Variants in PAPPA2 observed in about 807,000 individuals in gnomAD.
PAPPA2 encodes the protein pappalysin-2.
In PAPPA2, 86 loss-of-function variants were observed where a neutral mutation model predicts 176.4. The observed-to-expected ratio is 0.49, with a 90% confidence interval of 0.41 to 0.58. The LOEUF is 0.58. Ranked by LOEUF, PAPPA2 falls within the 20% of genes least tolerant of loss-of-function variation. PAPPA2 has a pLI of 0.00. For missense variants in PAPPA2, 2,073 were observed against 2,256.9 expected, an observed-to-expected ratio of 0.92 and a Z score of 1.65; for synonymous variants, 809 against 852.2, an observed-to-expected ratio of 0.95 and a Z score of 0.88.
chr1:176,588,203 C>T (rs10913210), intron 2 of PAPPA2, among the ~76,000 whole-genome samples: 60,478 of 152,096 alleles, frequency 0.4, 12,771 homozygotes, highest in South Asian at 0.58. Flanking sequence ...CATGATTTGG[C>T]TCTCCACTTG....
intron 2 of PAPPA2, among the ~76,000 whole-genome samples, chr1:176,581,435 G>C (rs1482562177): frequency 6.6e-6 from 1 of 152,130 alleles, no homozygotes; most frequent in Non-Finnish European, 1.5e-5. Context: ...GATTGTGTTG[G>C]CTATTTGAGG....
intron 1 of PAPPA2, among the ~76,000 whole-genome samples, chr1:176,499,120 G>A (rs566987720): frequency 8.7e-4 from 132 of 152,218 alleles, no homozygotes; most frequent in Non-Finnish European, 1.5e-3. Context: ...TAGTTACCTG[G>A]CTGAATGAGA....
chr1:176,543,307 C>T (rs1400199692), intron 1 of PAPPA2, among the ~76,000 whole-genome samples: 2 of 152,142 alleles, frequency 1.3e-5, no homozygotes, highest in East Asian at 1.9e-4. Flanking sequence ...CTGGAACCAG[C>T]CCACTCTCAC....
At chr1:176,567,322 T>TA (rs1652047393) in intron 2 of PAPPA2, among the ~76,000 whole-genome samples, 1 of 152,172 alleles carries the variant, frequency 6.6e-6, no homozygotes, top group African/African-American at 2.4e-5. Context: ...TCTCAGAACA[T>TA]TTGAAGTATT....
At chr1:176,712,954 C>T (rs938544888) in intron 12 of PAPPA2, among the ~76,000 whole-genome samples, 1 of 152,056 alleles carries the variant, frequency 6.6e-6, no homozygotes, top group Non-Finnish European at 1.5e-5. Flanking sequence ...TGTGTATCAG[C>T]TATTTGTACA....
At chr1:176,839,589 A>C (rs1262572247) in intron 21 of PAPPA2, among the ~76,000 whole-genome samples, 1 of 152,166 alleles carries the variant, frequency 6.6e-6, no homozygotes, top group East Asian at 1.9e-4. Context: ...CTGAGTCTTC[A>C]TAGCACCCAA....
intron 12 of PAPPA2, among the ~76,000 whole-genome samples, chr1:176,726,329 C>G (rs908573024): frequency 6.6e-6 from 1 of 152,178 alleles, no homozygotes; most frequent in Non-Finnish European, 1.5e-5. Context: ...CTCCACTGTT[C>G]TTGTTTACCT....
At chr1:176,557,562 A>G (rs1651400325) in intron 2 of PAPPA2, among the ~76,000 whole-genome samples, 1 of 152,104 alleles carries the variant, frequency 6.6e-6, no homozygotes, top group South Asian at 2.1e-4. Context: ...TTCTTTGCCA[A>G]AAGAGAAGGG....
At chr1:176,707,904 A>T (rs1660946489) in intron 10 of PAPPA2, among the ~76,000 whole-genome samples, 1 of 152,036 alleles carries the variant, frequency 6.6e-6, no homozygotes, top group South Asian at 2.1e-4. Flanking sequence ...AGGTTTCCAG[A>T]CCCTTTCTTA....
Position 176,740,013 on chromosome 1 carries a change from T to A in PAPPA2, c.3968T>A (p.Leu1323Gln). ...TYGLSCQHNP[L>Q]IINVTHHQNV... Reference sequence around the variant, plus strand: ...GGACTGTCATGCCAGCATAATCCACTGATTATCAATGTGACCCATCACCAG... The same window carrying A: ...GGACTGTCATGCCAGCATAATCCACAGATTATCAATGTGACCCATCACCAG... The change falls in exon 14 of 23, where the codon CTG (leucine) becomes CAG (glutamine). Residue 1323 changes from leucine (L) to glutamine (Q), a missense_variant. Leu to Gln is a moderately radical substitution (Grantham distance 113). Around this residue, in one of 4 missense-constraint regions of PAPPA2, gnomAD observed 846 missense variants for 857.9 expected, o/e 0.99. Transcript: ENST00000367662. The A allele has an allele frequency of 1.2e-6, 2 of 1,613,944 alleles. No homozygotes were observed. Among genetic ancestry groups the A allele is most frequent in the Non-Finnish European group, 1.7e-6 (2 of 1,179,850 alleles).
chr1:176,640,543 T>C (rs1381306439), intron 3 of PAPPA2, among the ~76,000 whole-genome samples: 1 of 151,994 alleles, frequency 6.6e-6, no homozygotes. Flanking sequence ...GGCTGCATAG[T>C]ATTCCATGGT....
intron 1 of PAPPA2, among the ~76,000 whole-genome samples, chr1:176,487,940 A>G (rs1363439402): frequency 6.6e-6 from 1 of 152,220 alleles, no homozygotes; most frequent in Admixed American, 6.5e-5. Context: ...AACGAGGTTG[A>G]TGTGGAAATC....
chr1:176,771,123 A>G lies in PAPPA2; in HGVS notation c.4658A>G (p.Lys1553Arg). 2 of 1,614,194 alleles carry G rather than the reference A, an allele frequency of 1.2e-6. No homozygotes were observed. The highest frequency in any genetic ancestry group is 2.2e-5 in the South Asian group (2 of 91,076). ...AACCACGACGTGGGCACCATCTGCA[A>G]ATATGAATGCAAACCAGGGTACTAT... is the stretch of plus-strand genomic sequence containing the variant. ...QDNHDVGTIC[K>R]YECKPGYYVA... is the part of the protein sequence containing the mutation. The change falls in exon 17 of 23, where the codon AAA becomes AGA. Residue 1553 changes from lysine to arginine, a missense_variant. Transcript: ENST00000367662.
chr1:176,690,093 A>G, intron 4 of PAPPA2, 44 bp from the exon 5 acceptor site: 1 of 1,493,718 alleles, frequency 6.7e-7, no homozygotes, highest in Non-Finnish European at 9.2e-7. Flanking sequence ...TTGGAGAGCT[A>G]TTCATTCTGT....
At chr1:176,490,600 G>A (rs1008660774) in intron 1 of PAPPA2, among the ~76,000 whole-genome samples, 1 of 152,162 alleles carries the variant, frequency 6.6e-6, no homozygotes, top group African/African-American at 2.4e-5. Flanking sequence ...TATTTCATGT[G>A]TGTTCATCTT....
At chr1:176,739,567 C>T in intron 12 of PAPPA2, 59 bp from the exon 13 acceptor site, 1 of 1,532,176 alleles carries the variant, frequency 6.5e-7, no homozygotes, top group Non-Finnish European at 8.9e-7. Flanking sequence ...AATTGTATAG[C>T]ACATGTCTTG....
At chr1:176,781,531 C>T (rs1664722533) in intron 17 of PAPPA2, among the ~76,000 whole-genome samples, 1 of 151,728 alleles carries the variant, frequency 6.6e-6, no homozygotes, top group Non-Finnish European at 1.5e-5. Context: ...CTATGATGGG[C>T]TGTAGACTTA....
At chr1:176,741,099 G>A (rs1662659648) in intron 14 of PAPPA2, among the ~76,000 whole-genome samples, 1 of 152,000 alleles carries the variant, frequency 6.6e-6, no homozygotes, top group African/African-American at 2.4e-5. Flanking sequence ...TTGCTGTATA[G>A]CAAATTATAC....
intron 3 of PAPPA2, among the ~76,000 whole-genome samples, chr1:176,659,503 A>G (rs1270372558): frequency 6.6e-6 from 1 of 152,074 alleles, no homozygotes; most frequent in Admixed American, 6.6e-5. Context: ...ATTATCTGCA[A>G]AGACCCTATT....
Sources: gnomAD v4.1 joint callset for allele counts (sites outside exome capture counted in the v4.1 genomes callset) on GRCh38, gnomAD v4.1.1 for gene constraint, gnomAD v4.1.1 regional missense constraint, MANE v1.5 for transcripts, NCBI Gene and HGNC (gene_info 2026-07-23, HGNC 2026-07-21) for gene names.